Variants in CNTN2 observed in about 807,000 individuals in gnomAD.
The protein encoded by CNTN2 is contactin 2, also known as contactin-2.
Under a neutral mutation model 117.5 loss-of-function variants are expected in CNTN2, and 53 were observed. That is an observed-to-expected ratio of 0.45 (90% CI 0.36 to 0.57). The LOEUF is 0.57. CNTN2 is among the 20% of genes least tolerant of loss of function. The pLI is 0.00. For missense variants in CNTN2, 1,106 were observed against 1,404.3 expected (o/e 0.79, Z 3.39); for synonymous variants, 530 against 561.7 (o/e 0.94, Z 0.80).
At chr1:205,069,278 C>T in intron 16 of CNTN2, 2 of 551,364 alleles carry the variant, frequency 3.6e-6, no homozygotes, top group Non-Finnish European at 3.2e-6. Context: ...AGTGACTTGC[C>T]CAGGGAAGCA....
chr1:205,071,881 G>A (rs1654609496), intron 19 of CNTN2, 66 bp from the exon 20 acceptor site: 2 of 1,458,228 alleles, frequency 1.4e-6, no homozygotes, highest in Non-Finnish European at 1.8e-6. Context: ...ACAGAATGTG[G>A]GGGCCGGGGC....
chr1:205,058,951 C>T lies in CNTN2; in HGVS notation c.488-133C>T, dbSNP rs1423306500. 3.7e-6 allele frequency: 3 copies of T among 816,178 alleles called. No individual in the cohort carries two copies. The highest frequency in any genetic ancestry group is 2.7e-5 in the East Asian group (1 of 37,546). The allele number at this position is 816,178 out of a possible 1,614,324, so 50.6% of individuals were successfully genotyped here. A position where few individuals can be genotyped will look rare whatever the true frequency, so the allele number is the denominator to read the frequency against. Reference sequence around the variant, plus strand: ...AGTCACTTCTTCCCTCTAGGTCTCCCCTTAGCCCCAGTTCAGAGCATGGTG... The same window carrying T: ...AGTCACTTCTTCCCTCTAGGTCTCCTCTTAGCCCCAGTTCAGAGCATGGTG... On this transcript the variant is annotated intron_variant, in intron 5 of 22. Transcript: ENST00000331830. This position sits in a 1 kb window ranked among gnomAD's most constrained non-coding sequence, Gnocchi z 4.3.
In CNTN2 at chr1:205,059,149, G is replaced by A. The variant is rs866000513; in HGVS notation, c.553G>A (p.Val185Met). The change falls in exon 6 of 23, where the codon GTG (valine) becomes ATG (methionine). Residue 185 changes from valine (V) to methionine (M), a missense_variant. Physicochemically the swap from Val to Met is conservative, Grantham distance 21 (BLOSUM62 1). Coordinates refer to ENST00000331830, the MANE Select transcript of CNTN2 (RefSeq NM_005076.5). This position sits in a 1 kb window ranked among gnomAD's most constrained non-coding sequence, Gnocchi z 5.6. ...NFIPTDGRHFVSQTTGNLYIA... is the reference protein window; with the variant it reads ...NFIPTDGRHFMSQTTGNLYIA... ...CATCCCGACGGACGGGCGTCACTTCGTGTCCCAGACCACAGGGAACCTGTA... is the reference window on the plus strand; with the variant it reads ...CATCCCGACGGACGGGCGTCACTTCATGTCCCAGACCACAGGGAACCTGTA... The A allele has an allele frequency of 3.1e-6, 5 of 1,614,186 alleles. No individual in the cohort carries two copies. Among genetic ancestry groups the A allele is most frequent in the South Asian group, 1.1e-5 (1 of 91,082 alleles).
At chr1:205,047,660 C>T (rs980427203) in intron 1 of CNTN2, among the ~76,000 whole-genome samples, 4 of 152,126 alleles carry the variant, frequency 2.6e-5, no homozygotes, top group African/African-American at 9.7e-5. Flanking sequence ...AGGAGGGAGG[C>T]ACCTGCCCAG....
chr1:205,053,419 A>T (rs750450073), intron 2 of CNTN2, among the ~76,000 whole-genome samples, 164 bp downstream of exon 2: 2 of 152,132 alleles, frequency 1.3e-5, no homozygotes, highest in African/African-American at 2.4e-5. Flanking sequence ...TGTAGATCTT[A>T]CCTTCCTTTG....
rs1285737396 is a variant in CNTN2 at position 205,062,499 on chromosome 1, G to A, written c.1170G>A (p.Ser390=). 1.1e-5 allele frequency: 18 copies of A among 1,613,902 alleles called. No homozygotes were observed. Among genetic ancestry groups the A allele is most frequent in the South Asian group, 7.7e-5 (7 of 91,072 alleles). ...TCTCCAAGCTGAGCCTGGAAGACTC[G>A]GGCATGTACCAGTGTGTGGCAGAGA... ...LRFSKLSLED[S]GMYQCVAENK... Residue 390 remains serine, a synonymous_variant, in exon 10 of 23, where the codon TCG becomes TCA. Transcript: ENST00000331830.
intron 2 of CNTN2, among the ~76,000 whole-genome samples, chr1:205,053,695 A>G (rs552069746): frequency 6.6e-6 from 1 of 152,364 alleles, no homozygotes; most frequent in Non-Finnish European, 1.5e-5. Flanking sequence ...TTCAGTAGCC[A>G]TATTGGATAG....
intron 7 of CNTN2, chr1:205,060,163 TTAA>T (rs1653895149): frequency 1.3e-5 from 2 of 159,312 alleles, no homozygotes; most frequent in African/African-American, 4.8e-5. Flanking sequence ...TGGAATTTAG[TTAA>T]GTGTTCCGTG....
At chr1:205,043,625 C>G (rs993526608) in intron 1 of CNTN2, among the ~76,000 whole-genome samples, 8 of 152,194 alleles carry the variant, frequency 5.3e-5, no homozygotes, top group African/African-American at 1.9e-4. Flanking sequence ...AGGGCTCTCT[C>G]AGGCCGAGCC....
In CNTN2 at chr1:205,059,094, C is replaced by T. The variant is rs2151190016; in HGVS notation, c.498C>T (p.Tyr166=). The part of the protein sequence containing the change: ...NPPAHYPGLS[Y]RWLLNEFPNF... ...CTCCTCACATCCTAGGCTTGTCCTA[C>T]CGCTGGCTCCTCAACGAGTTCCCCA... is the stretch of plus-strand genomic sequence containing the variant. Residue 166 remains tyrosine (Y), a synonymous_variant, in exon 6 of 23, where the codon TAC becomes TAT. Transcript: ENST00000331830. This position sits in a 1 kb window ranked among gnomAD's most constrained non-coding sequence, Gnocchi z 5.6. The T allele has an allele frequency of 1.9e-6, 3 of 1,614,196 alleles. No homozygotes were observed. The South Asian group carries it at 3.3e-5, about 18-fold the overall frequency.
intron 10 of CNTN2, 79 bp downstream of exon 10, chr1:205,062,648 C>T (rs1008513392): frequency 9.9e-6 from 15 of 1,510,248 alleles, no homozygotes; most frequent in Non-Finnish European, 1.3e-5. Context: ...TAGGTGTTTC[C>T]AAACACACAT....
Position 205,065,859 on chromosome 1 carries a change from C to T in CNTN2, c.1766C>T (p.Ala589Val). ...LRHGGKYTCM[A>V]QTVVDSASKE... ...CATGGGGGGAAGTACACGTGCATGG[C>T]CCAGACGGTGGTGGACAGCGCGTCC... The change falls in exon 14 of 23, where the codon GCC becomes GTC. Residue 589 changes from alanine to valine, a missense_variant. Coordinates refer to ENST00000331830, the MANE Select transcript of CNTN2 (RefSeq NM_005076.5). The surrounding 1 kb of genome is among the most constrained non-coding windows in gnomAD (Gnocchi z 4.1). The T allele has an allele frequency of 6.2e-7, 1 of 1,614,050 alleles. No homozygotes were observed. Among genetic ancestry groups the T allele is most frequent in the Non-Finnish European group, 8.5e-7 (1 of 1,179,998 alleles).
Position 205,072,115 on chromosome 1 carries a change from G to T in CNTN2, c.2713G>T (p.Ala905Ser), listed in dbSNP as rs778395637. The T allele has an allele frequency of 1.9e-6, 3 of 1,611,260 alleles. No homozygotes were observed. Among genetic ancestry groups the T allele is most frequent in the Non-Finnish European group, 2.5e-6 (3 of 1,179,190 alleles). ...TGGGCCTGCCAGCCCTTCTGCCAACGCCACGACCATGAAGCCCCGTGAGTC... is the reference window on the plus strand; with the variant it reads ...TGGGCCTGCCAGCCCTTCTGCCAACTCCACGACCATGAAGCCCCGTGAGTC... ...GTGPASPSAN[A>S]TTMKPPPRRP... Residue 905 changes from alanine to serine, a missense_variant, in exon 20 of 23, where the codon GCC (alanine) becomes TCC (serine). Ala to Ser is a moderately conservative substitution (Grantham distance 99). Transcript: ENST00000331830.
chr1:205,048,085 T>G lies in CNTN2; in HGVS notation c.-87+4691T>G, dbSNP rs1053060506. 6.6e-6 allele frequency among the ~76,000 whole-genome samples: 1 copy of G among 152,194 alleles called. No individual in the cohort carries two copies. Among genetic ancestry groups the G allele is most frequent in the African/African-American group, 2.4e-5 (1 of 41,434 alleles). ...CCTGAAGGGCTCCTCAAGTACTTTG[T>G]AGGCTGATAATAAATCACTTAGTCT... is the stretch of plus-strand genomic sequence containing the variant. On this transcript the variant is annotated intron_variant, in intron 1 of 22. Transcript: ENST00000331830. The surrounding 1 kb of genome is among the most constrained non-coding windows in gnomAD (Gnocchi z 4.1).
At chr1:205,054,127 A>T (rs1227229803) in intron 2 of CNTN2, among the ~76,000 whole-genome samples, 1 of 152,036 alleles carries the variant, frequency 6.6e-6, no homozygotes, top group Non-Finnish European at 1.5e-5. Flanking sequence ...CTCTGCCCTG[A>T]CCCTCAGCCC....
chr1:205,045,050 T>G (rs2096439105), intron 1 of CNTN2, among the ~76,000 whole-genome samples: 2 of 152,120 alleles, frequency 1.3e-5, no homozygotes, highest in African/African-American at 4.8e-5. Context: ...GCCCCTGACC[T>G]GATGATGTCA....
Position 205,059,128 on chromosome 1 carries a change from C to A in CNTN2, c.532C>A (p.Pro178Thr). ...WLLNEFPNFIPTDGRHFVSQT... is the reference protein window; with the variant it reads ...WLLNEFPNFITTDGRHFVSQT... The stretch of plus-strand genomic sequence containing the variant: ...CCTCAACGAGTTCCCCAACTTCATC[C>A]CGACGGACGGGCGTCACTTCGTGTC... The change falls in exon 6 of 23, where the codon CCG becomes ACG. Residue 178 changes from proline to threonine, a missense_variant. Coordinates refer to ENST00000331830, the MANE Select transcript of CNTN2 (RefSeq NM_005076.5). The surrounding 1 kb of genome is among the most constrained non-coding windows in gnomAD (Gnocchi z 5.6). 1 of 1,614,226 alleles carries A rather than the reference C, an allele frequency of 6.2e-7. No individual in the cohort carries two copies. Among genetic ancestry groups the A allele is most frequent in the Non-Finnish European group, 8.5e-7 (1 of 1,180,052 alleles).
At chr1:205,056,217 G>A (rs755553620) in intron 2 of CNTN2, among the ~76,000 whole-genome samples, 2 of 152,180 alleles carry the variant, frequency 1.3e-5, no homozygotes, top group African/African-American at 2.4e-5. Flanking sequence ...ATCACCCAGC[G>A]TTCCTGGAAG....
rs1229139569 is a variant in CNTN2 at position 205,067,131 on chromosome 1, C to T, written c.2006C>T (p.Thr669Ile). The T allele has an allele frequency of 1.2e-6, 2 of 1,613,668 alleles. No homozygotes were observed. The highest frequency in any genetic ancestry group is 1.7e-6 in the Non-Finnish European group (2 of 1,179,804). Residue 669 changes from threonine (T) to isoleucine (I), a missense_variant, in exon 16 of 23, where the codon ACT becomes ATT. Coordinates refer to ENST00000331830, the MANE Select transcript of CNTN2 (RefSeq NM_005076.5). ...NPANIEGNAE[T>I]AQVLGLTPWM... ...GCAAACATCGAGGGCAATGCCGAGA[C>T]TGCACAGGTGCTGGGCCTCACCCCC...
Sources: gnomAD v4.1 joint callset for allele counts (sites outside exome capture counted in the v4.1 genomes callset) on GRCh38, gnomAD v4.1.1 for gene constraint, Gnocchi (gnomAD v3.1) non-coding constraint, MANE v1.5 for transcripts, NCBI Gene and HGNC (gene_info 2026-07-23, HGNC 2026-07-21) for gene names.